KIDINS220: variants seen among roughly 807,000 people sequenced by gnomAD.
The protein encoded by KIDINS220 is kinase D interacting substrate 220.
In KIDINS220, 63 loss-of-function variants were observed where a neutral mutation model predicts 157.6. The observed-to-expected ratio is 0.40, with a 90% CI of 0.33 to 0.49. The LOEUF is 0.49. Ranked by LOEUF, KIDINS220 falls within the 20% of genes least tolerant of loss-of-function variation. The pLI is 0.66. For missense variants in KIDINS220, 1,772 were observed against 2,171.2 expected (o/e 0.82, Z 3.65); for synonymous variants, 732 against 783.6 (o/e 0.93, Z 1.10).
At chr2:8,773,928 G>T (rs1670580183) in intron 21 of KIDINS220, among the ~76,000 whole-genome samples, 1 of 152,154 alleles carries the variant, frequency 6.6e-6, no homozygotes, top group Non-Finnish European at 1.5e-5. Flanking sequence ...ATAAAACTCA[G>T]TTCCCACTTC....
intron 22 of KIDINS220, among the ~76,000 whole-genome samples, chr2:8,770,051 A>C (rs1669976405): frequency 6.6e-6 from 1 of 152,208 alleles, no homozygotes; most frequent in Non-Finnish European, 1.5e-5. Flanking sequence ...TAGGAAAACC[A>C]TATACTGACA....
chr2:8,768,609 A>G (rs912958957), intron 22 of KIDINS220, among the ~76,000 whole-genome samples: 1 of 152,208 alleles, frequency 6.6e-6, no homozygotes. Context: ...CTAGCGTTAA[A>G]AATACTATTT....
chr2:8,787,925 G>C (rs1672644431), intron 15 of KIDINS220, among the ~76,000 whole-genome samples: 1 of 152,076 alleles, frequency 6.6e-6, no homozygotes, highest in African/African-American at 2.4e-5. Context: ...GTTTCCCCAG[G>C]TTAACCGCTC....
At position 8,825,231 on chromosome 2, in the gene KIDINS220, G is replaced by A. The variant is rs547905890; in HGVS notation, c.108+1755C>T. Among the ~76,000 whole-genome samples the A allele has an allele frequency of 1.2e-4, 19 of 152,056 alleles. 2 individuals are homozygous for A. The highest frequency in any genetic ancestry group is 4.6e-4 in the African/African-American group (19 of 41,490). On this transcript the variant is annotated intron_variant, in intron 2 of 29. Transcript: ENST00000256707. ...TACTAAAAATATAAAAAATTAGCCAGGTGTGGTGGCGCACGACTGTAGTCC... is the reference window on the plus strand; with the variant it reads ...TACTAAAAATATAAAAAATTAGCCAAGTGTGGTGGCGCACGACTGTAGTCC...
At chr2:8,827,315 A>AC (rs1226776352) in intron 1 of KIDINS220, among the ~76,000 whole-genome samples, 186 bp from the exon 2 acceptor site, 3 of 151,996 alleles carry the variant, frequency 2.0e-5, no homozygotes, top group Admixed American at 6.6e-5. Flanking sequence ...TTAGGTTCAC[A>AC]CTCACCTCCA....
intron 6 of KIDINS220, among the ~76,000 whole-genome samples, chr2:8,807,087 T>C (rs894286335): frequency 2.6e-5 from 4 of 152,192 alleles, no homozygotes; most frequent in Admixed American, 1.3e-4. Flanking sequence ...GTGTGATCCT[T>C]ATCGTAAGAA....
chr2:8,788,722 A>G lies in KIDINS220; in HGVS notation c.1712T>C (p.Leu571Ser), dbSNP rs1156606383. 1.2e-6 allele frequency: 2 copies of G among 1,614,198 alleles called. No individual in the cohort carries two copies. Among genetic ancestry groups the G allele is most frequent in the South Asian group, 2.2e-5 (2 of 91,084 alleles). ...STRLARHIGY[L>S]ELLLKLMFVN... Reference sequence around the variant, plus strand: ...AAACATCAATTTAAGGAGGAGTTCCAAATATCCAATATGTCTTGCCAATCT... The same window carrying G: ...AAACATCAATTTAAGGAGGAGTTCCGAATATCCAATATGTCTTGCCAATCT... Residue 571 changes from leucine (L) to serine (S), a missense_variant, in exon 15 of 30, where the codon TTG becomes TCG. Transcript: ENST00000256707.
chr2:8,819,823 CAA>C (rs1201778380), intron 2 of KIDINS220, among the ~76,000 whole-genome samples: 2 of 149,782 alleles, frequency 1.3e-5, no homozygotes, highest in Middle Eastern at 3.2e-3. Flanking sequence ...AGACTTGTCT[CAA>C]AAAAAAATTT....
chr2:8,734,236 C>A (rs1293464476), intron 28 of KIDINS220, among the ~76,000 whole-genome samples: 1 of 152,022 alleles, frequency 6.6e-6, no homozygotes, highest in East Asian at 1.9e-4. Flanking sequence ...GTTAGTGAGG[C>A]GTTTGATCAA....
At chr2:8,758,999 CAG>C (rs1321083643) in intron 22 of KIDINS220, among the ~76,000 whole-genome samples, 1 of 152,188 alleles carries the variant, frequency 6.6e-6, no homozygotes. Context: ...GTGGTGGTCA[CAG>C]AATATTCTCA....
In KIDINS220 at chr2:8,785,796, C is replaced by A; in HGVS notation, c.2174G>T (p.Arg725Leu). The change falls in exon 17 of 30, where the codon CGC becomes CTC. Residue 725 changes from arginine (R) to leucine (L), a missense_variant. Physicochemically the swap from Arg to Leu is moderately radical, Grantham distance 102 (BLOSUM62 -2). Transcript: ENST00000256707. Reference sequence around the variant, plus strand: ...CAGTTTGGAGGCTGCATTATGGAGGCGTTTTCTTTGGGAATTCAGGAGCGA... The same window carrying A: ...CAGTTTGGAGGCTGCATTATGGAGGAGTTTTCTTTGGGAATTCAGGAGCGA... ...LDSLLNSQRK[R>L]LHNAASKLHK... The A allele has an allele frequency of 6.2e-7, 1 of 1,613,978 alleles. No individual in the cohort carries two copies. The highest frequency in any genetic ancestry group is 8.5e-7 in the Non-Finnish European group (1 of 1,179,964).
intron 17 of KIDINS220, among the ~76,000 whole-genome samples, chr2:8,782,051 T>C (rs945821331): frequency 3.9e-5 from 6 of 151,966 alleles, no homozygotes; most frequent in Non-Finnish European, 8.8e-5. Context: ...GAGGCAGAGA[T>C]TGCAGCAAGC....
intron 5 of KIDINS220, among the ~76,000 whole-genome samples, chr2:8,812,887 A>G (rs1367231244): frequency 6.6e-6 from 1 of 152,246 alleles, no homozygotes; most frequent in Non-Finnish European, 1.5e-5. Flanking sequence ...GAATGTATAG[A>G]AAAACAGTAT....
intron 17 of KIDINS220, among the ~76,000 whole-genome samples, chr2:8,780,442 T>C (rs1671532410): frequency 6.6e-6 from 1 of 152,056 alleles, no homozygotes; most frequent in African/African-American, 2.4e-5. Flanking sequence ...GACTGCTGGT[T>C]TCTGGTTCTA....
At chr2:8,769,008 G>A (rs1038368917) in intron 22 of KIDINS220, among the ~76,000 whole-genome samples, 1 of 152,158 alleles carries the variant, frequency 6.6e-6, no homozygotes, top group Non-Finnish European at 1.5e-5. Context: ...TCACCAGGAA[G>A]AGAAGAAAAG....
chr2:8,726,119 G>C (rs1191030320), downstream of KIDINS220, among the ~76,000 whole-genome samples: 1 of 152,176 alleles, frequency 6.6e-6, no homozygotes, highest in African/African-American at 2.4e-5. Context: ...GATTTTTAAA[G>C]GGTCATCCTT....
chr2:8,809,883 C>T (rs1038403858), intron 6 of KIDINS220, among the ~76,000 whole-genome samples: 4 of 152,052 alleles, frequency 2.6e-5, no homozygotes, highest in African/African-American at 9.7e-5. Flanking sequence ...CTTAAAACCC[C>T]CAGTGATTCT....
chr2:8,732,092 A>C, intron 29 of KIDINS220, 110 bp from the exon 30 acceptor site: 1 of 930,770 alleles, frequency 1.1e-6, no homozygotes, highest in Non-Finnish European at 1.5e-6. Flanking sequence ...AGTCATCAAA[A>C]CATCAAATTC....
chr2:8,732,648 A>T (rs1664288566), intron 29 of KIDINS220, among the ~76,000 whole-genome samples: 1 of 152,238 alleles, frequency 6.6e-6, no homozygotes, highest in African/African-American at 2.4e-5. Flanking sequence ...AGAAAGTTTA[A>T]GAAGGGTCAA....
Sources: allele counts gnomAD v4.1 joint callset (sites outside exome capture counted in the v4.1 genomes callset), GRCh38; gene constraint gnomAD v4.1.1; transcripts MANE v1.5; gene names NCBI Gene and HGNC (gene_info 2026-07-23, HGNC 2026-07-21).